Variants in COG5 observed in about 807,000 individuals in gnomAD.
COG5 encodes conserved oligomeric Golgi complex subunit 5.
COG5 carries 86 observed loss-of-function variants against 110.4 expected under a neutral mutation model. The ratio of observed to expected loss-of-function variants is 0.78; its 90% CI spans 0.65 to 0.93. The LOEUF (loss-of-function observed/expected upper bound fraction) is 0.93, where lower values mean the gene tolerates loss of function less well. Among genes scored for constraint, COG5 ranks in the 40% least tolerant of loss-of-function variants. COG5 has a pLI of 0.00. For synonymous variants in COG5, 360 were observed against 334.6 expected (o/e 1.08, Z -0.83); for missense variants, 1,077 against 987.0 (o/e 1.09, Z -1.22).
In COG5 at chr7:107,546,805, T is replaced by A. The variant is rs187639016; in HGVS notation, c.417+1306A>T. Among the ~76,000 whole-genome samples the A allele has an allele frequency of 6.5e-4, 99 of 152,190 alleles. 1 individual carries two copies. Among genetic ancestry groups the A allele is most frequent in the Non-Finnish European group, 2.2e-4 (15 of 68,004 alleles). Reference sequence around the variant, plus strand: ...AGAAACTGATACATTTCTAGACATATACAACTTACAAAAATTGAATCATAA... The same window carrying A: ...AGAAACTGATACATTTCTAGACATAAACAACTTACAAAAATTGAATCATAA... On this transcript the variant is annotated intron_variant, in intron 5 of 21. Coordinates refer to ENST00000297135, the MANE Select transcript of COG5 (RefSeq NM_006348.5).
chr7:107,351,575 A>G, intron 10 of COG5, among the ~76,000 whole-genome samples: 1 of 152,226 alleles, frequency 6.6e-6, no homozygotes, highest in Non-Finnish European at 1.5e-5. Flanking sequence ...CAAAGGGCTA[A>G]TATCTAGAAT....
chr7:107,517,914 T>C (rs1197272976), intron 6 of COG5, among the ~76,000 whole-genome samples: 1 of 152,012 alleles, frequency 6.6e-6, no homozygotes, highest in Non-Finnish European at 1.5e-5. Flanking sequence ...GTCAGGCTGG[T>C]CTCGAACTCC....
At position 107,327,125 on chromosome 7, in the gene COG5, C is replaced by CA. The variant is rs111518351; in HGVS notation, c.1027-2605dup. ...CATAGGGACCAATGGAGTAGAGAGA[C>CA]AAAAAAATAAACGATCAAGTATACA... On this transcript the variant is annotated intron_variant, in intron 10 of 21. Transcript: ENST00000297135. Among the ~76,000 whole-genome samples, 1,364 of 151,912 alleles carry CA rather than the reference C, an allele frequency of 9.0e-3. 22 individuals carry two copies. The highest frequency in any genetic ancestry group is 0.03 in the African/African-American group (1,250 of 41,430).
At chr7:107,224,706 C>T (rs1248064044) in intron 19 of COG5, among the ~76,000 whole-genome samples, 2 of 152,236 alleles carry the variant, frequency 1.3e-5, no homozygotes, top group African/African-American at 4.8e-5. Context: ...GAGGTAACAA[C>T]CTCACAAACA....
chr7:107,539,581 G>C (rs1450475025), intron 5 of COG5, among the ~76,000 whole-genome samples: 1 of 152,056 alleles, frequency 6.6e-6, no homozygotes, highest in African/African-American at 2.4e-5. Context: ...TGGGCATAGA[G>C]TTTCTTTTTT....
intron 11 of COG5, among the ~76,000 whole-genome samples, chr7:107,304,383 G>A (rs189730789): frequency 1.3e-5 from 2 of 152,190 alleles, no homozygotes; most frequent in Admixed American, 6.5e-5. Context: ...TAAAATGTGA[G>A]TTAAATGAAA....
intron 11 of COG5, among the ~76,000 whole-genome samples, chr7:107,312,149 T>A (rs1475987244): frequency 6.6e-6 from 1 of 151,538 alleles, no homozygotes; most frequent in East Asian, 1.9e-4. Context: ...TATAAAAGTA[T>A]TTCATATTTG....
intron 6 of COG5, among the ~76,000 whole-genome samples, chr7:107,507,796 C>A (rs1176808067): frequency 6.6e-6 from 1 of 152,092 alleles, no homozygotes; most frequent in Non-Finnish European, 1.5e-5. Flanking sequence ...ATCATAGCTA[C>A]AATAAGAACA....
At chr7:107,464,616 C>T (rs544693495) in intron 6 of COG5, among the ~76,000 whole-genome samples, 10 of 152,158 alleles carry the variant, frequency 6.6e-5, no homozygotes, top group African/African-American at 2.2e-4. Flanking sequence ...TGCTTGTAGC[C>T]AAAAATGTCA....
chr7:107,476,826 A>G (rs1044209915), intron 6 of COG5, among the ~76,000 whole-genome samples: 3 of 151,738 alleles, frequency 2.0e-5, no homozygotes, highest in Non-Finnish European at 4.4e-5. Flanking sequence ...ATTCAATAAT[A>G]TATCACTTTT....
At chr7:107,484,205 C>A (rs796726621) in intron 6 of COG5, among the ~76,000 whole-genome samples, 9 of 152,012 alleles carry the variant, frequency 5.9e-5, no homozygotes, top group African/African-American at 2.2e-4. Flanking sequence ...CGTGCACCAA[C>A]GCTACCAGCA....
intron 12 of COG5, among the ~76,000 whole-genome samples, chr7:107,295,101 A>ATATATATT (rs1289733590): frequency 2.2e-5 from 1 of 45,518 alleles, no homozygotes; most frequent in Non-Finnish European, 3.9e-5. Flanking sequence ...ATATATATAT[A>ATATATATT]TTTTTTTTTT....
chr7:107,219,378 C>T (rs555453574), intron 19 of COG5, among the ~76,000 whole-genome samples: 1 of 152,200 alleles, frequency 6.6e-6, no homozygotes, highest in African/African-American at 2.4e-5. Context: ...GAACAGATAG[C>T]GCACTTCATG....
chr7:107,472,653 T>C (rs1182001536), intron 6 of COG5: 4 of 151,926 alleles, frequency 2.6e-5, no homozygotes, highest in Non-Finnish European at 4.4e-5. Context: ...CGAATAAATA[T>C]ACCTCTAGTA....
intron 6 of COG5, among the ~76,000 whole-genome samples, chr7:107,416,565 ATG>A (rs1012749458): frequency 4.0e-4 from 61 of 152,334 alleles, no homozygotes; most frequent in African/African-American, 1.4e-3. Context: ...TAACTTATAT[ATG>A]TTAAAAATGT....
At chr7:107,217,998 A>C (rs533521573) in intron 19 of COG5, among the ~76,000 whole-genome samples, 1 of 152,228 alleles carries the variant, frequency 6.6e-6, no homozygotes, top group Admixed American at 6.5e-5. Flanking sequence ...AGAACTAATA[A>C]AGGAATAAGG....
intron 6 of COG5, among the ~76,000 whole-genome samples, chr7:107,449,434 ATC>A (rs1271039225): frequency 1.3e-5 from 2 of 152,230 alleles, no homozygotes; most frequent in Non-Finnish European, 2.9e-5. Context: ...TATTGCTGTG[ATC>A]TCAAGTGTTA....
At chr7:107,276,313 C>A (rs1166405744) in intron 14 of COG5, among the ~76,000 whole-genome samples, 3 of 151,996 alleles carry the variant, frequency 2.0e-5, no homozygotes, top group Non-Finnish European at 4.4e-5. Flanking sequence ...CACAACAGTT[C>A]CCTTATGTAC....
At chr7:107,384,046 C>T (rs1170925656) in intron 7 of COG5, among the ~76,000 whole-genome samples, 1 of 152,156 alleles carries the variant, frequency 6.6e-6, no homozygotes, top group Non-Finnish European at 1.5e-5. Context: ...TCTGAGCTGT[C>T]CTTACCCCTC....
Sources: gnomAD v4.1 joint callset for allele counts (sites outside exome capture counted in the v4.1 genomes callset) on GRCh38, gnomAD v4.1.1 for gene constraint, MANE v1.5 for transcripts, NCBI Gene and HGNC (gene_info 2026-07-23, HGNC 2026-07-21) for gene names.